The following DNAH11 variants were observed in gnomAD, a reference collection of about 807,000 sequenced individuals.
DNAH11 encodes axonemal beta dynein heavy chain 11.
DNAH11 carries 442 observed loss-of-function variants against 526.0 expected under a neutral mutation model. The ratio of observed to expected loss-of-function variants is 0.84; its 90% CI spans 0.78 to 0.91. The LOEUF (loss-of-function observed/expected upper bound fraction) is 0.91. Among genes scored for constraint, DNAH11 ranks in the 40% least tolerant of loss-of-function variants. The probability of loss-of-function intolerance (pLI) is 0.00; values close to 1 mark genes in which losing one functional copy is unlikely to be tolerated. For synonymous variants in DNAH11, 2,461 were observed against 1,935.9 expected, an observed-to-expected ratio of 1.27 and a Z score of -7.12; for missense variants, 6,989 against 5,448.7, an observed-to-expected ratio of 1.28 and a Z score of -8.90.
intron 2 of DNAH11, among the ~76,000 whole-genome samples, chr7:21,552,606 A>T (rs968199940): frequency 6.6e-6 from 1 of 152,316 alleles, no homozygotes; most frequent in Middle Eastern, 3.4e-3. Context: ...TCTGTGTATT[A>T]TAACAACTGG....
At chr7:21,617,836 G>T (rs990018410) in intron 23 of DNAH11, 59 bp downstream of exon 23, 3 of 1,467,040 alleles carry the variant, frequency 2.0e-6, no homozygotes, top group Non-Finnish European at 2.7e-6. Context: ...TTACTTCTTG[G>T]TTTGCATCAT....
intron 25 of DNAH11, among the ~76,000 whole-genome samples, chr7:21,634,116 C>T (rs1430451823): frequency 6.6e-6 from 1 of 152,116 alleles, no homozygotes. Flanking sequence ...AGACATAAGA[C>T]ATTTAGGAAA....
At chr7:21,750,851 A>G (rs1023792567) in intron 54 of DNAH11, among the ~76,000 whole-genome samples, 2 of 152,214 alleles carry the variant, frequency 1.3e-5, no homozygotes, top group African/African-American at 4.8e-5. Flanking sequence ...GCAGAAACCC[A>G]GATTACCTCT....
chr7:21,772,245 T>A (rs1787468752), intron 55 of DNAH11, among the ~76,000 whole-genome samples: 1 of 152,164 alleles, frequency 6.6e-6, no homozygotes, highest in South Asian at 2.1e-4. Flanking sequence ...CCATCCCCGA[T>A]TTACAAATGA....
intron 30 of DNAH11, among the ~76,000 whole-genome samples, chr7:21,667,950 A>G (rs1782484802): frequency 6.6e-6 from 1 of 152,160 alleles, no homozygotes; most frequent in Non-Finnish European, 1.5e-5. Flanking sequence ...TCCTTCCTAA[A>G]TAGGACCCTG....
At chr7:21,630,340 A>G (rs1400339598) in intron 25 of DNAH11, among the ~76,000 whole-genome samples, 1 of 152,166 alleles carries the variant, frequency 6.6e-6, no homozygotes, top group African/African-American at 2.4e-5. Context: ...CAGGAGTATG[A>G]GTAGATTGCA....
intron 61 of DNAH11, among the ~76,000 whole-genome samples, chr7:21,799,866 C>T (rs1032301686): frequency 6.6e-6 from 1 of 152,080 alleles, no homozygotes; most frequent in African/African-American, 2.4e-5. Context: ...GTTAAAGTTT[C>T]TTGGAACTTT....
In DNAH11 at chr7:21,619,205, G is replaced by C. The variant is rs985818251; in HGVS notation, c.4360G>C (p.Glu1454Gln). The C allele has an allele frequency of 6.2e-6, 10 of 1,613,044 alleles. No individual in the cohort carries two copies. The highest frequency in any genetic ancestry group is 8.5e-6 in the Non-Finnish European group (10 of 1,179,514). Residue 1454 changes from glutamate (E) to glutamine (Q), a missense_variant, in exon 24 of 82, where the codon GAG becomes CAG. Physicochemically the swap from Glu to Gln is conservative, Grantham distance 29 (BLOSUM62 2). Coordinates refer to ENST00000409508, the MANE Select transcript of DNAH11 (RefSeq NM_001277115.2). ...VRRIVDKAVK[E>Q]LGTEKVITEI... ...AAGGATTGTGGACAAGGCGGTGAAA[G>C]AGCTGGGGACTGAGAAGGTAGTGTC... is the stretch of plus-strand genomic sequence containing the variant.
At chr7:21,801,701 G>A (rs1457920673) in intron 62 of DNAH11, among the ~76,000 whole-genome samples, 1 of 152,060 alleles carries the variant, frequency 6.6e-6, no homozygotes, top group Non-Finnish European at 1.5e-5. Context: ...TAAAACTCAG[G>A]ATGGCTGCTA....
intron 65 of DNAH11, among the ~76,000 whole-genome samples, chr7:21,832,710 G>T (rs765707186): frequency 6.6e-6 from 1 of 152,144 alleles, no homozygotes; most frequent in Non-Finnish European, 1.5e-5. Flanking sequence ...CACTAGCACC[G>T]TTAGCCAATG....
At chr7:21,748,881 A>G (rs770911080) in intron 52 of DNAH11, 139 bp downstream of exon 52, 193 of 802,992 alleles carry the variant, frequency 2.4e-4, no homozygotes, top group Non-Finnish European at 3.3e-4. Context: ...AGCTCTTTAA[A>G]GCAGTAATTG....
chr7:21,625,131 T>C (rs956921989), intron 25 of DNAH11, among the ~76,000 whole-genome samples: 3 of 152,110 alleles, frequency 2.0e-5, no homozygotes, highest in Non-Finnish European at 2.9e-5. Context: ...CTTTAAATGT[T>C]TGGCAGAATT....
intron 14 of DNAH11, among the ~76,000 whole-genome samples, chr7:21,597,388 T>C (rs1336973798): frequency 1.3e-5 from 2 of 152,176 alleles, no homozygotes; most frequent in South Asian, 2.1e-4. Context: ...TATTAGGTCT[T>C]TGTTTTCATG....
chr7:21,737,790 C>T (rs535630791), intron 46 of DNAH11, among the ~76,000 whole-genome samples: 5 of 151,998 alleles, frequency 3.3e-5, no homozygotes, highest in East Asian at 1.9e-4. Context: ...AGGTGAATTG[C>T]GAGTGAGGGA....
chr7:21,787,310 G>A (rs367928502), intron 59 of DNAH11, 91 bp from the exon 60 acceptor site: 40 of 1,333,412 alleles, frequency 3.0e-5, no homozygotes, highest in Non-Finnish European at 3.8e-5. Context: ...CTTTTGTAAT[G>A]TGAGTCCTAA....
At position 21,599,808 on chromosome 7, in the gene DNAH11, G is replaced by T; in HGVS notation, c.2689G>T (p.Ala897Ser). ...LVEENRKLFK[A>S]NPSLDTWKIY... is the part of the protein sequence containing the mutation. ...CTAGGAAAATAGGAAGCTCTTCAAA[G>T]CCAATCCCTCTCTGGATACCTGGAA... Residue 897 changes from alanine to serine, a missense_variant, in exon 15 of 82, where the codon GCC (alanine) becomes TCC (serine). By Grantham distance (99) the Ala-to-Ser change is moderately conservative. Coordinates refer to ENST00000409508, the MANE Select transcript of DNAH11 (RefSeq NM_001277115.2). The T allele has an allele frequency of 6.3e-7, 1 of 1,578,982 alleles. No individual in the cohort carries two copies.
chr7:21,889,597 A>G (rs1013208516), intron 76 of DNAH11, among the ~76,000 whole-genome samples: 1 of 152,170 alleles, frequency 6.6e-6, no homozygotes, highest in East Asian at 1.9e-4. Context: ...ATTCTGGTGG[A>G]GGTACAGTGG....
At chr7:21,714,148 A>C (rs1784562205) in intron 42 of DNAH11, among the ~76,000 whole-genome samples, 1 of 152,226 alleles carries the variant, frequency 6.6e-6, no homozygotes. Context: ...GCTTGGTCCA[A>C]ATCCCTAAAG....
chr7:21,639,521 C>A (rs1190656445), intron 28 of DNAH11, among the ~76,000 whole-genome samples: 1 of 152,198 alleles, frequency 6.6e-6, no homozygotes, highest in Non-Finnish European at 1.5e-5. Flanking sequence ...AGATTTGTAT[C>A]ATTTCAGGAT....
Sources: allele counts gnomAD v4.1 joint callset (sites outside exome capture counted in the v4.1 genomes callset), GRCh38; gene constraint gnomAD v4.1.1; transcripts MANE v1.5; gene names NCBI Gene and HGNC (gene_info 2026-07-23, HGNC 2026-07-21).